Variants in FHIT observed in about 807,000 individuals in gnomAD.
The protein encoded by FHIT is fragile histidine triad diadenosine triphosphatase.
A neutral mutation model predicts 17.9 loss-of-function variants in FHIT; 19 were observed. The observed-to-expected ratio is 1.06, with a 90% CI of 0.74 to 1.56. The LOEUF is 1.56. FHIT is among the 40% of genes most tolerant of loss of function. The pLI is 0.00. For synonymous variants in FHIT, 81 were observed against 69.7 expected (o/e 1.16, Z -0.81); for missense variants, 248 against 189.2 (o/e 1.31, Z -1.82).
chr3:59,856,862 C>T lies in FHIT; in HGVS notation c.348+65484G>A, dbSNP rs552985895. Among the ~76,000 whole-genome samples, 9 of 130,688 alleles carry T rather than the reference C, an allele frequency of 6.9e-5. No homozygotes were observed. In the South Asian group the frequency reaches 1.0e-3, roughly 15 times the overall value. 85.7% of individuals were successfully genotyped at this position (130,688 alleles called of 152,430 possible). On this transcript the variant is annotated intron_variant, in intron 8 of 9. Coordinates refer to ENST00000492590, the MANE Select transcript of FHIT (RefSeq NM_002012.4). ...TCTATTTATCAAGTACTTAGCTCCC[C>T]GGCTGAGTATTTTTTTTTTTTTTAA...
At chr3:60,992,077 T>C (rs754213060) in intron 3 of FHIT, among the ~76,000 whole-genome samples, 5 of 152,226 alleles carry the variant, frequency 3.3e-5, no homozygotes, top group Admixed American at 6.5e-5. Flanking sequence ...CTTGATATCA[T>C]GGATGCAACT....
chr3:60,763,165 T>C (rs1296587827), intron 4 of FHIT, among the ~76,000 whole-genome samples: 3 of 152,142 alleles, frequency 2.0e-5, no homozygotes, highest in African/African-American at 7.2e-5. Context: ...CTTGTTGGCT[T>C]ACACACGAGA....
chr3:60,279,150 C>G (rs1456241020), intron 5 of FHIT, among the ~76,000 whole-genome samples: 1 of 151,646 alleles, frequency 6.6e-6, no homozygotes, highest in South Asian at 2.1e-4. Flanking sequence ...GTCAGGCTAA[C>G]CAGGAAAAAA....
chr3:60,977,661 C>T (rs1418015969), intron 3 of FHIT, among the ~76,000 whole-genome samples: 3 of 152,036 alleles, frequency 2.0e-5, no homozygotes, highest in African/African-American at 7.2e-5. Flanking sequence ...CACCTGAGGT[C>T]GGGAGTTCGA....
rs1701790362 is a variant in FHIT, at chr3:60,404,778, T to G, written c.103+132082A>C. On this transcript the variant is annotated intron_variant, in intron 5 of 9. Transcript: ENST00000492590. ...GGACCAGGCTTTACACAGCCCATAA[T>G]ACAAGCTCAGTATTGGAGATGTTTC... Among the ~76,000 whole-genome samples, 2 of 152,216 alleles carry G rather than the reference T, an allele frequency of 1.3e-5. 1 individual carries two copies. The highest frequency in any genetic ancestry group is 4.1e-4 in the South Asian group (2 of 4,820).
At chr3:61,236,781 C>T (rs1345123720) in intron 1 of FHIT, among the ~76,000 whole-genome samples, 2 of 152,206 alleles carry the variant, frequency 1.3e-5, no homozygotes, top group Non-Finnish European at 2.9e-5. Context: ...AGAGTGATGA[C>T]AGCAGACTGT....
In FHIT at chr3:59,773,569, C is replaced by G. The variant is rs78375947; in HGVS notation, c.349-21248G>C. ...GTTAGCTCCTTCTCACCCTCTGGGT[C>G]TCAATTTCCAATGTAATTAATTCCC... On this transcript the variant is annotated intron_variant, in intron 8 of 9. Coordinates refer to ENST00000492590, the MANE Select transcript of FHIT (RefSeq NM_002012.4). Among the ~76,000 whole-genome samples the G allele has an allele frequency of 1.4e-3, 212 of 152,316 alleles. 6 individuals carry two copies. In the East Asian group the frequency reaches 0.037, roughly 26 times the overall value.
intron 3 of FHIT, among the ~76,000 whole-genome samples, chr3:60,986,884 T>C (rs1490416115): frequency 3.3e-5 from 5 of 152,174 alleles, no homozygotes; most frequent in African/African-American, 1.2e-4. Flanking sequence ...AAAAAATATC[T>C]CCCATAGTGC....
chr3:60,519,909 C>A (rs2035296801), intron 5 of FHIT, among the ~76,000 whole-genome samples: 1 of 152,138 alleles, frequency 6.6e-6, no homozygotes, highest in Non-Finnish European at 1.5e-5. Context: ...GAGTGACCAT[C>A]AGCTCAGAGA....
At chr3:60,543,014 C>A (rs961231821) in intron 4 of FHIT, among the ~76,000 whole-genome samples, 1 of 152,110 alleles carries the variant, frequency 6.6e-6, no homozygotes, top group South Asian at 2.1e-4. Flanking sequence ...CAGTAAGTTC[C>A]CATATATACA....
chr3:59,888,534 T>C lies in FHIT; in HGVS notation c.348+33812A>G, dbSNP rs375876244. 3.3e-4 allele frequency among the ~76,000 whole-genome samples: 50 copies of C among 152,334 alleles called. No homozygotes were observed. The East Asian group carries it at 6.2e-3, about 19-fold the overall frequency. On this transcript the variant is annotated intron_variant, in intron 8 of 9. Coordinates refer to ENST00000492590, the MANE Select transcript of FHIT (RefSeq NM_002012.4). ...ACCATATATTATTCACTGGTATATA[T>C]TCTCTTCACTGTACAGTGAAATATA... is the stretch of plus-strand genomic sequence containing the variant.
intron 2 of FHIT, among the ~76,000 whole-genome samples, chr3:61,137,493 C>G (rs1342362890): frequency 6.6e-6 from 1 of 152,084 alleles, no homozygotes; most frequent in African/African-American, 2.4e-5. Flanking sequence ...AGAGCCCTGT[C>G]TCACTATGCT....
In FHIT at chr3:60,144,843, C is replaced by T. The variant is rs76681370; in HGVS notation, c.104-130691G>A. Among the ~76,000 whole-genome samples the T allele has an allele frequency of 3.6e-3, 554 of 152,272 alleles. 5 individuals are homozygous for T. Among genetic ancestry groups the T allele is most frequent in the African/African-American group, 0.013 (523 of 41,574 alleles). On this transcript the variant is annotated intron_variant, in intron 5 of 9. Transcript: ENST00000492590. ...AAATACCAGAATGTATTTCTCCTAT[C>T]TGGCTGTTGATTGTAGTTTTAATTC...
At chr3:59,772,615 C>A (rs1194217175) in intron 8 of FHIT, among the ~76,000 whole-genome samples, 2 of 152,148 alleles carry the variant, frequency 1.3e-5, no homozygotes, top group East Asian at 1.9e-4. Flanking sequence ...GCTCTCGTAA[C>A]CACTGTGCAT....
At chr3:60,175,165 T>A (rs1322718858) in intron 5 of FHIT, among the ~76,000 whole-genome samples, 1 of 152,188 alleles carries the variant, frequency 6.6e-6, no homozygotes. Context: ...AAAACACCCC[T>A]CTTTCCCCAC....
chr3:60,459,826 G>A (rs2032344435), intron 5 of FHIT, among the ~76,000 whole-genome samples: 1 of 152,104 alleles, frequency 6.6e-6, no homozygotes, highest in African/African-American at 2.4e-5. Flanking sequence ...AAAACACATG[G>A]AATGATTGTA....
chr3:60,955,633 T>TATATATATATATAC (rs1272864632), intron 3 of FHIT, among the ~76,000 whole-genome samples: 42 of 39,460 alleles, frequency 1.1e-3, no homozygotes, highest in African/African-American at 2.8e-3. Flanking sequence ...TATATATATA[T>TATATATATATATAC]ACACACACAC....
intron 5 of FHIT, among the ~76,000 whole-genome samples, chr3:60,456,126 C>A (rs104795): frequency 6.6e-6 from 1 of 151,960 alleles, no homozygotes; most frequent in African/African-American, 2.4e-5. Flanking sequence ...CATCTGATCA[C>A]ATGCCCCTGA....
chr3:60,975,990 G>A (rs1575782562), intron 3 of FHIT, among the ~76,000 whole-genome samples: 1 of 150,802 alleles, frequency 6.6e-6, no homozygotes, highest in South Asian at 2.1e-4. Context: ...GAAATTCTTA[G>A]ACCGTTTATT....
Sources: gnomAD v4.1 joint callset for allele counts (sites outside exome capture counted in the v4.1 genomes callset) on GRCh38, gnomAD v4.1.1 for gene constraint, MANE v1.5 for transcripts, NCBI Gene and HGNC (gene_info 2026-07-23, HGNC 2026-07-21) for gene names.